Variants in SLC7A9 observed in about 807,000 individuals in gnomAD.
SLC7A9 encodes B(0,+)-type amino acid transporter 1.
SLC7A9 carries 38 observed loss-of-function variants against 54.1 expected under a neutral mutation model. The ratio of observed to expected loss-of-function variants is 0.70; its 90% CI spans 0.54 to 0.92. SLC7A9 has a LOEUF of 0.92. SLC7A9 is among the 40% of genes least tolerant of loss of function. The pLI is 0.00. For missense variants in SLC7A9, 537 were observed against 636.1 expected, an observed-to-expected ratio of 0.84 and a Z score of 1.68; for synonymous variants, 264 against 258.9, an observed-to-expected ratio of 1.02 and a Z score of -0.19.
intron 7 of SLC7A9, 194 bp from the exon 8 acceptor site, chr19:32,860,158 A>G: frequency 6.6e-7 from 1 of 1,520,486 alleles, no homozygotes; most frequent in Non-Finnish European, 8.8e-7. Flanking sequence ...TTTATAAAGC[A>G]AAATAAGCCA....
intron 9 of SLC7A9, among the ~76,000 whole-genome samples, chr19:32,853,537 A>G (rs2145828920): frequency 6.6e-6 from 1 of 152,342 alleles, no homozygotes; most frequent in Non-Finnish European, 1.5e-5. Context: ...CATTTACAAT[A>G]GTATGAAAAA....
At chr19:32,831,507 TCTC>T (rs1967792239) in intron 12 of SLC7A9, among the ~76,000 whole-genome samples, 1 of 152,084 alleles carries the variant, frequency 6.6e-6, no homozygotes, top group Admixed American at 6.6e-5. Flanking sequence ...GCCACGATGG[TCTC>T]GATCTCCTGA....
intron 11 of SLC7A9, among the ~76,000 whole-genome samples, chr19:32,838,916 ATAT>A (rs1446671920): frequency 2.0e-5 from 3 of 151,722 alleles, no homozygotes; most frequent in African/African-American, 2.4e-5. Flanking sequence ...GATATGAATT[ATAT>A]TATTAACTGA....
At chr19:32,854,286 T>C (rs1599673790) in intron 9 of SLC7A9, among the ~76,000 whole-genome samples, 1 of 152,070 alleles carries the variant, frequency 6.6e-6, no homozygotes, top group Non-Finnish European at 1.5e-5. Flanking sequence ...AGTGCTTTGA[T>C]TACAGGTGTG....
chr19:32,835,192 G>C (rs998317437), intron 11 of SLC7A9, among the ~76,000 whole-genome samples: 1 of 152,164 alleles, frequency 6.6e-6, no homozygotes, highest in Non-Finnish European at 1.5e-5. Context: ...ACTGGGTTCT[G>C]TTTGTTAACA....
chr19:32,834,145 G>A (rs984369448), intron 11 of SLC7A9, among the ~76,000 whole-genome samples: 4 of 152,104 alleles, frequency 2.6e-5, no homozygotes, highest in Admixed American at 2.0e-4. Flanking sequence ...TGTGCGGGGC[G>A]GCAGGAACCC....
At chr19:32,869,608 T>G (rs768265976) in intron 1 of SLC7A9, 78 bp downstream of exon 1, 9 of 152,090 alleles carry the variant, frequency 5.9e-5, no homozygotes, top group Non-Finnish European at 1.0e-4. Context: ...TCCTGTACCC[T>G]CTCTCTAAAT....
intron 9 of SLC7A9, among the ~76,000 whole-genome samples, chr19:32,849,111 C>T (rs1167169028): frequency 6.6e-6 from 1 of 152,020 alleles, no homozygotes; most frequent in Non-Finnish European, 1.5e-5. Context: ...AACCTAACAT[C>T]ACAATTAAAA....
At chr19:32,845,862 G>A (rs1354621687) in intron 9 of SLC7A9, among the ~76,000 whole-genome samples, 11 of 152,070 alleles carry the variant, frequency 7.2e-5, no homozygotes, top group Non-Finnish European at 1.6e-4. Flanking sequence ...ACAAAAATTA[G>A]GTGTGATGGC....
chr19:32,852,143 G>A (rs1968488261), intron 9 of SLC7A9, among the ~76,000 whole-genome samples: 1 of 151,772 alleles, frequency 6.6e-6, no homozygotes, highest in Non-Finnish European at 1.5e-5. Context: ...TGCACATTGT[G>A]CACATGTACC....
chr19:32,862,018 C>G (rs1373204344), intron 6 of SLC7A9, 100 bp downstream of exon 6: 1 of 828,510 alleles, frequency 1.2e-6, no homozygotes, highest in Non-Finnish European at 2.1e-6. Flanking sequence ...CACACCAAAC[C>G]CCAGAAAGGA....
chr19:32,852,031 G>A (rs1379878898), intron 9 of SLC7A9, among the ~76,000 whole-genome samples: 1 of 151,982 alleles, frequency 6.6e-6, no homozygotes, highest in East Asian at 1.9e-4. Flanking sequence ...TGGGGTGGGG[G>A]GAGCGGGGAG....
chr19:32,860,141 G>A (rs1383058270), intron 7 of SLC7A9, 177 bp from the exon 8 acceptor site: 29 of 1,533,924 alleles, frequency 1.9e-5, no homozygotes, highest in Non-Finnish European at 2.5e-5. Flanking sequence ...CAGTTCACAT[G>A]GAACTGTTTA....
At chr19:32,848,777 G>A (rs1288107771) in intron 9 of SLC7A9, among the ~76,000 whole-genome samples, 1 of 152,070 alleles carries the variant, frequency 6.6e-6, no homozygotes, top group Non-Finnish European at 1.5e-5. Flanking sequence ...TGACCACATA[G>A]TTGGAAGTAA....
intron 11 of SLC7A9, among the ~76,000 whole-genome samples, chr19:32,834,080 A>G (rs1211715524): frequency 6.6e-6 from 1 of 152,056 alleles, no homozygotes; most frequent in Non-Finnish European, 1.5e-5. Context: ...GGGTTTTTCT[A>G]TACATGGTGA....
intron 11 of SLC7A9, among the ~76,000 whole-genome samples, chr19:32,837,903 C>G (rs1402310836): frequency 6.6e-6 from 1 of 152,094 alleles, no homozygotes; most frequent in Non-Finnish European, 1.5e-5. Context: ...TGCATGGATT[C>G]TATAGTTCAG....
intron 10 of SLC7A9, 145 bp downstream of exon 10, chr19:32,843,710 T>A: frequency 1.5e-6 from 1 of 682,312 alleles, no homozygotes; most frequent in South Asian, 1.6e-5. Flanking sequence ...GGGTATGTTG[T>A]TTCACTTGTC....
At chr19:32,861,795 A>C (rs980062422) in intron 6 of SLC7A9, among the ~76,000 whole-genome samples, 1 of 152,146 alleles carries the variant, frequency 6.6e-6, no homozygotes, top group Non-Finnish European at 1.5e-5. Context: ...AGCCTGGGTG[A>C]CCAAGTGAGA....
At chr19:32,866,820 CTG>C (rs1252553886) in intron 2 of SLC7A9, among the ~76,000 whole-genome samples, 1 of 152,156 alleles carries the variant, frequency 6.6e-6, no homozygotes. Flanking sequence ...ATCCCCTCTG[CTG>C]CCAGGCATGG....
Sources: allele counts gnomAD v4.1 joint callset (sites outside exome capture counted in the v4.1 genomes callset), GRCh38; gene constraint gnomAD v4.1.1; transcripts MANE v1.5; gene names NCBI Gene and HGNC (gene_info 2026-07-23, HGNC 2026-07-21).